The following KIF2A variants were observed in gnomAD, a reference collection of about 807,000 sequenced individuals.
KIF2A encodes kinesin family member 2A.
Under a neutral mutation model 100.2 loss-of-function variants are expected in KIF2A, and 22 were observed. The observed-to-expected ratio is 0.22, with a 90% CI of 0.16 to 0.31. The LOEUF (loss-of-function observed/expected upper bound fraction) is 0.31. Ranked by LOEUF, KIF2A falls within the 10% of genes least tolerant of loss-of-function variation. The pLI is 1.00. For missense variants in KIF2A, 495 were observed against 898.7 expected (o/e 0.55, Z 5.74); for synonymous variants, 268 against 285.9 (o/e 0.94, Z 0.63).
rs1740925806 is a variant in KIF2A, at chr5:62,363,809, T to C, written c.1377T>C (p.Ala459=). 1 of 1,613,958 alleles carries C rather than the reference T, an allele frequency of 6.2e-7. No individual in the cohort carries two copies. Among genetic ancestry groups the C allele is most frequent in the Non-Finnish European group, 8.5e-7 (1 of 1,179,864 alleles). The change falls in exon 14 of 21, where the codon GCT becomes GCC. Residue 459 remains alanine, a synonymous_variant. Transcript: ENST00000407818. Reference sequence around the variant, plus strand: ...GCAAATTTTCTCTCATTGATTTGGCTGGAAATGAAAGAGGAGCTGATACTT... The same window carrying C: ...GCAAATTTTCTCTCATTGATTTGGCCGGAAATGAAAGAGGAGCTGATACTT... The part of the protein sequence containing the change: ...LHGKFSLIDL[A]GNERGADTSS...
chr5:62,321,354 G>A (rs1030175384), intron 1 of KIF2A, among the ~76,000 whole-genome samples: 1 of 152,086 alleles, frequency 6.6e-6, no homozygotes, highest in Non-Finnish European at 1.5e-5. Context: ...TTTCAAAAGT[G>A]GCTATATTAT....
chr5:62,320,049 C>CT (rs1746024777), intron 1 of KIF2A, among the ~76,000 whole-genome samples: 1 of 152,086 alleles, frequency 6.6e-6, no homozygotes, highest in African/African-American at 2.4e-5. Flanking sequence ...TTATATATCT[C>CT]TATCTACATG....
intron 19 of KIF2A, among the ~76,000 whole-genome samples, chr5:62,380,529 C>T (rs1741730447): frequency 6.6e-6 from 1 of 152,074 alleles, no homozygotes; most frequent in Admixed American, 6.5e-5. Flanking sequence ...AGGATGCTGA[C>T]CCCCAGCACA....
chr5:62,349,679 T>C (rs1747748741), intron 3 of KIF2A, among the ~76,000 whole-genome samples: 2 of 152,176 alleles, frequency 1.3e-5, no homozygotes, highest in African/African-American at 4.8e-5. Flanking sequence ...AGAACTAATA[T>C]TTTATAAATT....
chr5:62,345,513 G>T (rs928337757), intron 1 of KIF2A, among the ~76,000 whole-genome samples: 5 of 142,064 alleles, frequency 3.5e-5, no homozygotes, highest in Non-Finnish European at 7.6e-5. Flanking sequence ...AAAATAGAAG[G>T]TAGGTCGGGC....
chr5:62,308,441 C>A (rs769297818), intron 1 of KIF2A: 9 of 1,003,330 alleles, frequency 9.0e-6, no homozygotes, highest in Middle Eastern at 2.2e-4. Context: ...AAGATATCTG[C>A]ACTCTCGCGT....
Position 62,306,267 on chromosome 5 carries a change from C to T in KIF2A, c.-206C>T, listed in dbSNP as rs934718850. 23 of 536,464 alleles carry T rather than the reference C, an allele frequency of 4.3e-5. No individual in the cohort carries two copies. Among genetic ancestry groups the T allele is most frequent in the Non-Finnish European group, 6.6e-5 (20 of 305,066 alleles). The allele number at this position is 536,464 out of a possible 1,614,324, so 33.2% of individuals were successfully genotyped here. ...CTTCACCCCGACTACCCGGCGTGCGCGTCCTCCTGCCGGCCTGCAGGCCCG... is the reference window on the plus strand; with the variant it reads ...CTTCACCCCGACTACCCGGCGTGCGTGTCCTCCTGCCGGCCTGCAGGCCCG... On this transcript the variant is annotated 5_prime_UTR_variant, in exon 1 of 21. Coordinates refer to ENST00000407818, the MANE Select transcript of KIF2A (RefSeq NM_001098511.3).
Position 62,363,276 on chromosome 5 carries a change from T to C in KIF2A, c.1218T>C (p.Cys406=), listed in dbSNP as rs554929487. 2 of 1,613,668 alleles carry C rather than the reference T, an allele frequency of 1.2e-6. No individual in the cohort carries two copies. ...VVGLQEREVK[C]VEDVLKLIDI... Reference sequence around the variant, plus strand: ...GATTACAGGAACGGGAGGTCAAATGTGTTGAAGATGTACTGAAACTCATTG... The same window carrying C: ...GATTACAGGAACGGGAGGTCAAATGCGTTGAAGATGTACTGAAACTCATTG... Residue 406 remains cysteine (C), a synonymous_variant, in exon 13 of 21, where the codon TGT becomes TGC. Transcript: ENST00000407818.
intron 1 of KIF2A, among the ~76,000 whole-genome samples, chr5:62,346,667 G>T (rs1018048537): frequency 3.9e-5 from 6 of 152,156 alleles, no homozygotes; most frequent in African/African-American, 1.2e-4. Context: ...TTGAACCCAG[G>T]AGGCAGAGGT....
chr5:62,342,642 C>G (rs972341500), intron 1 of KIF2A, among the ~76,000 whole-genome samples: 1 of 152,174 alleles, frequency 6.6e-6, no homozygotes, highest in Non-Finnish European at 1.5e-5. Flanking sequence ...TTTGTTAGAT[C>G]TGCATCAAGG....
At chr5:62,377,542 C>A in intron 18 of KIF2A, 119 bp from the exon 19 acceptor site, 3 of 495,568 alleles carry the variant, frequency 6.1e-6, no homozygotes, top group South Asian at 9.6e-5. Context: ...ATTTTACTAG[C>A]CTTTACCATT....
At chr5:62,345,219 C>T (rs1433556381) in intron 1 of KIF2A, among the ~76,000 whole-genome samples, 1 of 152,118 alleles carries the variant, frequency 6.6e-6, no homozygotes, top group African/African-American at 2.4e-5. Context: ...GAAACCCCGT[C>T]TCTACTAAAA....
chr5:62,374,668 C>T (rs1170163487), intron 18 of KIF2A, among the ~76,000 whole-genome samples: 1 of 152,068 alleles, frequency 6.6e-6, no homozygotes, highest in Non-Finnish European at 1.5e-5. Flanking sequence ...AAGCCAGGCG[C>T]GGTGTCTCAC....
intron 1 of KIF2A, among the ~76,000 whole-genome samples, chr5:62,315,896 C>T (rs1745797136): frequency 6.6e-6 from 1 of 152,190 alleles, no homozygotes; most frequent in Admixed American, 6.5e-5. Flanking sequence ...GCAGAACACA[C>T]AGCAAGAAGA....
intron 1 of KIF2A, among the ~76,000 whole-genome samples, chr5:62,329,624 G>A (rs1746539558): frequency 1.3e-5 from 2 of 152,194 alleles, no homozygotes; most frequent in African/African-American, 4.8e-5. Context: ...GTGACTGTTA[G>A]TGTAGTTAAC....
At chr5:62,314,809 C>T (rs1420172545) in intron 1 of KIF2A, among the ~76,000 whole-genome samples, 6 of 135,752 alleles carry the variant, frequency 4.4e-5, no homozygotes, top group Non-Finnish European at 9.2e-5. Flanking sequence ...GTCACCCAGG[C>T]TGTAGTGCAG....
chr5:62,352,965 T>A (rs181345949), intron 5 of KIF2A: 79 of 432,610 alleles, frequency 1.8e-4, no homozygotes, highest in African/African-American at 1.5e-3. Context: ...GGGCAGATGA[T>A]AATTTGTCAG....
chr5:62,347,078 G>T, intron 1 of KIF2A, 52 bp from the exon 2 acceptor site: 1 of 944,736 alleles, frequency 1.1e-6, no homozygotes, highest in Non-Finnish European at 1.7e-6. Context: ...ACAGTGTTTA[G>T]GAATGCCATA....
chr5:62,324,310 T>G lies in KIF2A; in HGVS notation c.64+17774T>G, dbSNP rs1437749653. Among the ~76,000 whole-genome samples, 3 of 152,338 alleles carry G rather than the reference T, an allele frequency of 2.0e-5. No individual in the cohort carries two copies. The East Asian group carries it at 5.8e-4, about 29-fold the overall frequency. On this transcript the variant is annotated intron_variant, in intron 1 of 20. Coordinates refer to ENST00000407818, the MANE Select transcript of KIF2A (RefSeq NM_001098511.3). ...CCAAAGCAATTTACAGATTCAATGCTATTTCTATCAAACTACCAATGATAT... is the reference window on the plus strand; with the variant it reads ...CCAAAGCAATTTACAGATTCAATGCGATTTCTATCAAACTACCAATGATAT...
Sources: allele counts gnomAD v4.1 joint callset (sites outside exome capture counted in the v4.1 genomes callset), GRCh38; gene constraint gnomAD v4.1.1; transcripts MANE v1.5; gene names NCBI Gene and HGNC (gene_info 2026-07-23, HGNC 2026-07-21).